The following RGS6 variants were observed in gnomAD, a reference collection of about 807,000 sequenced individuals.
RGS6 encodes the protein regulator of G-protein signaling 6.
A neutral mutation model predicts 78.5 loss-of-function variants in RGS6; 30 were observed. The ratio of observed to expected loss-of-function variants is 0.38; its 90% CI spans 0.29 to 0.52. The LOEUF is 0.52. Ranked by LOEUF, RGS6 falls within the 20% of genes least tolerant of loss-of-function variation. The pLI, the probability that RGS6 is intolerant of heterozygous loss-of-function variation, is 0.85. For missense variants in RGS6, 495 were observed against 609.7 expected (o/e 0.81, Z 1.98); for synonymous variants, 206 against 206.0 (o/e 1.00, Z 0.00).
At chr14:71,971,965 T>G (rs1203051409) in intron 2 of RGS6, among the ~76,000 whole-genome samples, 2 of 144,116 alleles carry the variant, frequency 1.4e-5, no homozygotes, top group African/African-American at 5.2e-5. Flanking sequence ...AGAAGGAAGA[T>G]GGGTGGTAGT....
At chr14:72,473,384 C>T (rs1409572148) in intron 9 of RGS6, among the ~76,000 whole-genome samples, 1 of 152,152 alleles carries the variant, frequency 6.6e-6, no homozygotes, top group Non-Finnish European at 1.5e-5. Context: ...GCGGAGCTTG[C>T]AGTGAGCCGA....
intron 2 of RGS6, among the ~76,000 whole-genome samples, chr14:72,086,612 A>G (rs1281630361): frequency 6.6e-6 from 1 of 152,210 alleles, no homozygotes; most frequent in Non-Finnish European, 1.5e-5. Flanking sequence ...GATTTGAGCC[A>G]TGTTTTTGAT....
At chr14:72,174,017 G>A (rs542002522) in intron 2 of RGS6, among the ~76,000 whole-genome samples, 8 of 152,254 alleles carry the variant, frequency 5.3e-5, no homozygotes, top group East Asian at 1.9e-4. Context: ...TATGCGGTAA[G>A]GGGGCAAGAA....
At chr14:72,077,522 A>G (rs186210748) in intron 2 of RGS6, among the ~76,000 whole-genome samples, 6 of 152,234 alleles carry the variant, frequency 3.9e-5, no homozygotes, top group Admixed American at 2.6e-4. Flanking sequence ...CAGAGTTATC[A>G]ACTCGTTGGA....
intron 2 of RGS6, among the ~76,000 whole-genome samples, chr14:72,104,001 T>C (rs1272935690): frequency 6.6e-6 from 1 of 152,256 alleles, no homozygotes; most frequent in African/African-American, 2.4e-5. Context: ...GTTGTTTTGC[T>C]ATTTTTTATT....
chr14:72,510,298 G>A lies in RGS6; in HGVS notation c.1091+19G>A, dbSNP rs370056791. ...ACCTCAGGTAAATCTCTCAAAGTTTGAGCTGTGTGCGGAATGTGTGTGAAG... is the reference window on the plus strand; with the variant it reads ...ACCTCAGGTAAATCTCTCAAAGTTTAAGCTGTGTGCGGAATGTGTGTGAAG... On this transcript the variant is annotated intron_variant, in intron 14 of 17. Coordinates refer to ENST00000553525, the MANE Select transcript of RGS6 (RefSeq NM_001204424.2). The A allele has an allele frequency of 7.4e-6, 12 of 1,613,960 alleles. No homozygotes were observed. Among genetic ancestry groups the A allele is most frequent in the Non-Finnish European group, 9.3e-6 (11 of 1,180,018 alleles).
the RGS6 span, among the ~76,000 whole-genome samples, chr14:71,884,127 C>A: frequency 1.3e-5 from 2 of 152,184 alleles, no homozygotes; most frequent in African/African-American, 4.8e-5. Flanking sequence ...TTTGGGACCC[C>A]TTTCCAGTAA....
chr14:71,881,739 A>T, the RGS6 span, among the ~76,000 whole-genome samples: 1 of 152,192 alleles, frequency 6.6e-6, no homozygotes, highest in Non-Finnish European at 1.5e-5. Flanking sequence ...GTGAGAATGG[A>T]CTAATACAGC....
At chr14:72,595,123 T>A in the RGS6 span, 1 of 152,124 alleles carries the variant, frequency 6.6e-6, no homozygotes, top group South Asian at 2.1e-4. Flanking sequence ...CTCTGCCAGT[T>A]CATTATAGAT....
chr14:71,923,268 G>A, the RGS6 span, among the ~76,000 whole-genome samples: 2 of 152,198 alleles, frequency 1.3e-5, no homozygotes, highest in African/African-American at 4.8e-5. Context: ...GTCCAGGATG[G>A]GGATGGGAAA....
At chr14:72,487,593 T>G (rs1487960280) in intron 12 of RGS6, among the ~76,000 whole-genome samples, 1 of 152,158 alleles carries the variant, frequency 6.6e-6, no homozygotes, top group Non-Finnish European at 1.5e-5. Flanking sequence ...GTCAGAGTGA[T>G]GCAGCATGAG....
intron 1 of RGS6, among the ~76,000 whole-genome samples, chr14:71,944,725 GATGAAAGGTGTTAATA>G (rs1430762357): frequency 6.6e-6 from 1 of 152,180 alleles, no homozygotes; most frequent in African/African-American, 2.4e-5. Flanking sequence ...AAAGTTTTCA[GATGAAAGGTGTTAATA>G]ATACAGTCAC....
intron 3 of RGS6, among the ~76,000 whole-genome samples, chr14:72,417,229 A>G (rs1304809784): frequency 6.6e-6 from 1 of 152,222 alleles, no homozygotes; most frequent in Non-Finnish European, 1.5e-5. Context: ...AGATTGATTG[A>G]AATGTTGGTG....
At chr14:71,987,526 ATTTATTT>A (rs2153166810) in intron 2 of RGS6, among the ~76,000 whole-genome samples, 1 of 152,158 alleles carries the variant, frequency 6.6e-6, no homozygotes, top group Non-Finnish European at 1.5e-5. Flanking sequence ...TAATTATTTT[ATTTATTT>A]TTTATTTTTT....
chr14:72,571,674 C>A, the RGS6 span, among the ~76,000 whole-genome samples: 7 of 152,134 alleles, frequency 4.6e-5, no homozygotes, highest in Non-Finnish European at 7.4e-5. Flanking sequence ...CAAAAGTTAA[C>A]TGAAAATGGA....
chr14:72,259,521 G>T (rs1042880564), intron 2 of RGS6, among the ~76,000 whole-genome samples: 3 of 152,100 alleles, frequency 2.0e-5, no homozygotes, highest in African/African-American at 7.2e-5. Context: ...GAAAATGCTG[G>T]TACTCTGTAC....
At chr14:72,487,600 T>A (rs1333198477) in intron 12 of RGS6, among the ~76,000 whole-genome samples, 1 of 152,022 alleles carries the variant, frequency 6.6e-6, no homozygotes, top group African/African-American at 2.4e-5. Flanking sequence ...TGATGCAGCA[T>A]GAGAAAACCA....
chr14:72,412,041 G>A (rs1349148284), intron 3 of RGS6, among the ~76,000 whole-genome samples: 1 of 152,092 alleles, frequency 6.6e-6, no homozygotes, highest in Non-Finnish European at 1.5e-5. Context: ...TTTATGTGGT[G>A]TCTCTGCCAG....
At chr14:72,254,878 A>T (rs1194891135) in intron 2 of RGS6, among the ~76,000 whole-genome samples, 1 of 152,132 alleles carries the variant, frequency 6.6e-6, no homozygotes. Context: ...TTCTCTACCA[A>T]CACCTACAGT....
Sources: gnomAD v4.1 joint callset for allele counts (sites outside exome capture counted in the v4.1 genomes callset) on GRCh38, gnomAD v4.1.1 for gene constraint, MANE v1.5 for transcripts, NCBI Gene and HGNC (gene_info 2026-07-23, HGNC 2026-07-21) for gene names.